SLC39A11: variants seen among roughly 807,000 people sequenced by gnomAD.
SLC39A11 encodes the protein zinc transporter ZIP11.
SLC39A11 carries 33 observed loss-of-function variants against 36.1 expected under a neutral mutation model. That is an observed-to-expected ratio of 0.91 (90% CI 0.69 to 1.22). SLC39A11 has a LOEUF of 1.22. SLC39A11 is among the 50% of genes most tolerant of loss of function. SLC39A11 has a pLI of 0.00. For synonymous variants in SLC39A11, 166 were observed against 170.3 expected (o/e 0.97, Z 0.20); for missense variants, 432 against 430.3 (o/e 1.00, Z -0.03).
rs1567912916 is a variant in SLC39A11, at chr17:72,900,196, A to AGAAGGAAGGAAGGAAG, written c.430+47555_430+47556insCTTCCTTCCTTCCTTC. Among the ~76,000 whole-genome samples the AGAAGGAAGGAAGGAAG allele has an allele frequency of 8.0e-5, 11 of 137,030 alleles. 2 individuals carry two copies. Among genetic ancestry groups the AGAAGGAAGGAAGGAAG allele is most frequent in the African/African-American group, 3.6e-4 (11 of 30,610 alleles). The allele number at this position is 137,030 out of a possible 152,430, so 89.9% of individuals were successfully genotyped here. On this transcript the variant is annotated intron_variant, in intron 5 of 9. Transcript: ENST00000255559. Reference sequence around the variant, plus strand: ...AAGAAAGAAAGAAAGAAAGAAAGAAAGAAAGAAAGAAAGAAAGAAAGAAAG... The same window carrying AGAAGGAAGGAAGGAAG: ...AAGAAAGAAAGAAAGAAAGAAAGAAAGAAGGAAGGAAGGAAGGAAAGAAAGAAAGAAAGAAAGAAAG...
intron 4 of SLC39A11, among the ~76,000 whole-genome samples, chr17:73,010,756 C>T (rs1326491839): frequency 6.6e-6 from 1 of 152,044 alleles, no homozygotes; most frequent in Non-Finnish European, 1.5e-5. Context: ...TCAGATTAAG[C>T]TTTTCTTTTT....
At chr17:72,892,032 A>C (rs1336642971) in intron 5 of SLC39A11, among the ~76,000 whole-genome samples, 1 of 128,640 alleles carries the variant, frequency 7.8e-6, no homozygotes, top group Non-Finnish European at 1.7e-5. Flanking sequence ...TAGAGATAAG[A>C]CTATTTTTTT....
chr17:72,737,135 G>A (rs545256700), intron 6 of SLC39A11, among the ~76,000 whole-genome samples: 2 of 152,076 alleles, frequency 1.3e-5, no homozygotes, highest in African/African-American at 4.8e-5. Flanking sequence ...AGTTAGCAGG[G>A]CGTGATGGTG....
rs1567911845 is a variant in SLC39A11 at position 72,900,123 on chromosome 17, AAAGAAAGAAAGAAAGAAAAAG to A, written c.430+47608_430+47628del. Among the ~76,000 whole-genome samples the A allele has an allele frequency of 1.1e-3, 114 of 105,698 alleles. 25 individuals carry two copies. Among genetic ancestry groups the A allele is most frequent in the African/African-American group, 6.4e-3 (107 of 16,630 alleles). 69.3% of individuals were successfully genotyped at this position (105,698 alleles called of 152,430 possible). ...AGAAAGAAAGAAAAAGAAAGAAAGA[AAAGAAAGAAAGAAAGAAAAAG>A]AAAGAAAGAAAAGAAAGAAAGAAAG... On this transcript the variant is annotated intron_variant, in intron 5 of 9. Transcript: ENST00000255559.
chr17:73,047,534 T>G (rs1568184458), intron 3 of SLC39A11, among the ~76,000 whole-genome samples: 1 of 151,834 alleles, frequency 6.6e-6, no homozygotes, highest in Non-Finnish European at 1.5e-5. Context: ...ACACTAAGAG[T>G]TAGGTATTAC....
At chr17:72,782,816 C>A (rs2076368643) in intron 6 of SLC39A11, among the ~76,000 whole-genome samples, 1 of 149,708 alleles carries the variant, frequency 6.7e-6, no homozygotes, top group Non-Finnish European at 1.5e-5. Flanking sequence ...GCCTGGCGAA[C>A]ATGGCAAAAA....
At chr17:72,765,346 A>T (rs1231628339) in intron 6 of SLC39A11, among the ~76,000 whole-genome samples, 2 of 152,218 alleles carry the variant, frequency 1.3e-5, no homozygotes, top group Non-Finnish European at 2.9e-5. Context: ...ATTCACAACA[A>T]ATCAGCAGCA....
intron 7 of SLC39A11, among the ~76,000 whole-genome samples, chr17:72,665,418 G>T (rs1192281664): frequency 7.3e-5 from 4 of 55,052 alleles, no homozygotes; most frequent in Non-Finnish European, 4.0e-5. Flanking sequence ...TTTGAGACAG[G>T]GTCTTGCTGT....
intron 7 of SLC39A11, among the ~76,000 whole-genome samples, chr17:72,712,389 G>C (rs2073141727): frequency 6.6e-6 from 1 of 152,184 alleles, no homozygotes; most frequent in Admixed American, 6.5e-5. Flanking sequence ...ACTCCATCTT[G>C]AAAGACCAAA....
intron 4 of SLC39A11, among the ~76,000 whole-genome samples, chr17:72,995,951 C>CT (rs1055269660): frequency 6.6e-6 from 1 of 151,980 alleles, no homozygotes; most frequent in East Asian, 1.9e-4. Flanking sequence ...TTCTGAACAT[C>CT]TTTTTTTTAG....
chr17:72,679,436 T>C (rs971502727), intron 7 of SLC39A11, among the ~76,000 whole-genome samples: 10 of 152,210 alleles, frequency 6.6e-5, no homozygotes, highest in African/African-American at 2.4e-4. Flanking sequence ...TGAATCCCTG[T>C]CCTCTGGCTG....
chr17:72,824,096 C>T (rs2077913483), intron 6 of SLC39A11, among the ~76,000 whole-genome samples: 2 of 151,214 alleles, frequency 1.3e-5, no homozygotes, highest in Admixed American at 6.6e-5. Context: ...ATTTGGGTTC[C>T]CACCCAAATC....
chr17:72,732,891 T>C (rs2074287800), intron 7 of SLC39A11, among the ~76,000 whole-genome samples: 1 of 152,246 alleles, frequency 6.6e-6, no homozygotes, highest in Non-Finnish European at 1.5e-5. Flanking sequence ...ACCCTTTGTG[T>C]GATGCAGGTC....
intron 4 of SLC39A11, among the ~76,000 whole-genome samples, chr17:73,024,527 A>G (rs1391531665): frequency 1.3e-5 from 2 of 152,226 alleles, no homozygotes; most frequent in African/African-American, 4.8e-5. Flanking sequence ...TTCGTGAACT[A>G]GAATCAGAAT....
At chr17:72,863,210 T>C (rs2080133090) in intron 5 of SLC39A11, among the ~76,000 whole-genome samples, 2 of 152,184 alleles carry the variant, frequency 1.3e-5, no homozygotes, top group Non-Finnish European at 2.9e-5. Flanking sequence ...ACTTGGGCAT[T>C]ATACTCTCAT....
chr17:73,063,705 C>T (rs1257961797), intron 3 of SLC39A11, among the ~76,000 whole-genome samples: 4 of 151,698 alleles, frequency 2.6e-5, no homozygotes, highest in African/African-American at 4.9e-5. Flanking sequence ...GAAAGTGCTT[C>T]AAAAAGTATA....
At chr17:73,038,812 G>A (rs1227125526) in intron 3 of SLC39A11, among the ~76,000 whole-genome samples, 4 of 149,244 alleles carry the variant, frequency 2.7e-5, no homozygotes, top group Non-Finnish European at 6.0e-5. Flanking sequence ...GGGAGGGGAC[G>A]AGTTGAGGTT....
chr17:72,658,043 C>T (rs542994219), intron 7 of SLC39A11, among the ~76,000 whole-genome samples: 2 of 152,206 alleles, frequency 1.3e-5, no homozygotes, highest in Non-Finnish European at 2.9e-5. Flanking sequence ...GGGACAGCAG[C>T]AGACACTTTG....
chr17:72,708,404 G>A (rs1031121418), intron 7 of SLC39A11, among the ~76,000 whole-genome samples: 1 of 152,168 alleles, frequency 6.6e-6, no homozygotes, highest in Non-Finnish European at 1.5e-5. Flanking sequence ...CAACTCTCCT[G>A]GGTCTTGAAT....
Sources: allele counts gnomAD v4.1 joint callset (sites outside exome capture counted in the v4.1 genomes callset), GRCh38; gene constraint gnomAD v4.1.1; transcripts MANE v1.5; gene names NCBI Gene and HGNC (gene_info 2026-07-23, HGNC 2026-07-21).